PAX6: variants seen among roughly 807,000 people sequenced by gnomAD.
The protein encoded by PAX6 is paired box 6.
In PAX6, 7 loss-of-function variants were observed where a neutral mutation model predicts 60.7. That is an observed-to-expected ratio of 0.12 (90% CI 0.07 to 0.22). The LOEUF (loss-of-function observed/expected upper bound fraction) is 0.22. PAX6 is among the 10% of genes least tolerant of loss of function. The pLI is 1.00. For missense variants in PAX6, 355 were observed against 555.2 expected (o/e 0.64, Z 3.62); for synonymous variants, 208 against 201.2 (o/e 1.03, Z -0.29).
intron 2 of PAX6, chr11:31,810,557 C>T (rs1956850314): frequency 1.1e-5 from 3 of 270,010 alleles, no homozygotes; most frequent in Non-Finnish European, 2.1e-5. Context: ...GAGCTCAGCC[C>T]GCGCTGGCGC....
intron 4 of PAX6, chr11:31,804,404 CG>C (rs1955089153): frequency 2.6e-5 from 4 of 152,322 alleles, no homozygotes; most frequent in African/African-American, 7.2e-5. Flanking sequence ...CGAGGGGAGC[CG>C]CGTTTTCAGG....
intron 2 of PAX6, chr11:31,809,839 T>G (rs1280207681): frequency 1.3e-5 from 2 of 152,168 alleles, no homozygotes; most frequent in East Asian, 3.9e-4. Context: ...ACTCTGCACC[T>G]CAAAACTTGC....
At chr11:31,810,671 G>A in intron 2 of PAX6, 157 bp downstream of exon 2, 1 of 396,210 alleles carries the variant, frequency 2.5e-6, no homozygotes, top group Admixed American at 4.4e-5. Context: ...GAAGTAGAAA[G>A]TTTGGGCTCC....
chr11:31,806,534 G>T lies in PAX6; in HGVS notation c.-51-72C>A, dbSNP rs111677764. 4.2e-6 allele frequency: 5 copies of T among 1,177,420 alleles called. No homozygotes were observed. The South Asian group carries it at 6.5e-5, about 15-fold the overall frequency. 72.9% of individuals were successfully genotyped at this position (1,177,420 alleles called of 1,614,324 possible). ...TAGGCCTGAACTCCCAACCGAGGTGGACCTGGGGCTAGGACAGGAGAATCT... is the reference window on the plus strand; with the variant it reads ...TAGGCCTGAACTCCCAACCGAGGTGTACCTGGGGCTAGGACAGGAGAATCT... On this transcript the variant is annotated intron_variant, in intron 3 of 13. Transcript: ENST00000640368.
intron 13 of PAX6, chr11:31,790,432 C>T (rs890570175): frequency 3.0e-6 from 4 of 1,320,328 alleles, no homozygotes; most frequent in African/African-American, 3.0e-5. Context: ...TACTGAGCTT[C>T]GTCTAATAAT....
In PAX6 at chr11:31,790,776, T is replaced by A; in HGVS notation, c.1159A>T (p.Thr387Ser). 6.2e-7 allele frequency: 1 copy of A among 1,612,634 alleles called. No homozygotes were observed. Among genetic ancestry groups the A allele is most frequent in the Non-Finnish European group, 8.5e-7 (1 of 1,179,764 alleles). Residue 387 changes from threonine (T) to serine (S), a missense_variant, in exon 13 of 14, where the codon ACC becomes TCC. By Grantham distance (58) the Thr-to-Ser change is moderately conservative. Transcript: ENST00000640368. ...ATGTGTGTCTGCATATGTGGGGGGG[T>A]GTAGGTATCATAACTCCGCCCATTC... is the stretch of plus-strand genomic sequence containing the variant. ...SVNGRSYDTYTPPHMQTHMNS... is the reference protein window; with the variant it reads ...SVNGRSYDTYSPPHMQTHMNS...
At chr11:31,801,427 G>T (rs765446472) in intron 7 of PAX6, 134 bp downstream of exon 7, 238 of 1,553,112 alleles carry the variant, frequency 1.5e-4, no homozygotes, top group Non-Finnish European at 1.8e-4. Flanking sequence ...TGTTCCCCCA[G>T]GTACAAAGGA....
intron 12 of PAX6, 162 bp from the exon 13 acceptor site, chr11:31,791,022 G>A (rs919192016): frequency 9.7e-6 from 8 of 824,126 alleles, no homozygotes; most frequent in East Asian, 2.7e-5. Flanking sequence ...ATTGGGCCTC[G>A]AGCTAGTCCT....
intron 13 of PAX6, 130 bp downstream of exon 13, chr11:31,790,580 C>A: frequency 1.3e-6 from 2 of 1,537,812 alleles, no homozygotes; most frequent in Non-Finnish European, 1.8e-6. Context: ...CCTTTTCAAT[C>A]CCCATCCCCC....
Position 31,799,722 on chromosome 11 carries a change from G to A in PAX6, c.565+969C>T, listed in dbSNP as rs893958462. 2.6e-5 allele frequency among the ~76,000 whole-genome samples: 4 copies of A among 152,142 alleles called. 1 individual carries two copies. The South Asian group carries it at 8.3e-4, about 32-fold the overall frequency. ...GGAGCCGGTCCGAGAGCTCACGGAT[G>A]CGCCGGCAGCCTCCTCGCAGTCCCG... On this transcript the variant is annotated intron_variant, in intron 8 of 13. Coordinates refer to ENST00000640368, the MANE Select transcript of PAX6 (RefSeq NM_001368894.2).
chr11:31,794,092 T>A lies in PAX6; in HGVS notation c.747A>T (p.Pro249=), dbSNP rs773995611. The change falls in exon 10 of 14, where the codon CCA becomes CCT. Residue 249 remains proline (P), a synonymous_variant. Transcript: ENST00000640368. Reference sequence around the variant, plus strand: ...CTAGTCTTTCTCGGGCAAACACATCTGGATAATGGGTTCTCTCAAACTCTG... The same window carrying A: ...CTAGTCTTTCTCGGGCAAACACATCAGGATAATGGGTTCTCTCAAACTCTG... ...LEKEFERTHY[P]DVFARERLAA... 8 of 1,609,996 alleles carry A rather than the reference T, an allele frequency of 5.0e-6. No individual in the cohort carries two copies. Among genetic ancestry groups the A allele is most frequent in the Non-Finnish European group, 6.8e-6 (8 of 1,176,254 alleles).
chr11:31,814,445 G>C (rs914077806), upstream of PAX6: 3 of 152,306 alleles, frequency 2.0e-5, no homozygotes, highest in African/African-American at 7.2e-5. Context: ...TCAGAACCAA[G>C]AGCCTCCCAT....
At position 31,801,901 on chromosome 11, in the gene PAX6, A is replaced by C; in HGVS notation, c.153T>G (p.Asp51Glu). 3 of 1,614,026 alleles carry C rather than the reference A, an allele frequency of 1.9e-6. No homozygotes were observed. Among genetic ancestry groups the C allele is most frequent in the Non-Finnish European group, 2.5e-6 (3 of 1,179,854 alleles). ...GATTGTCCAGCACTTGGACTTTTGC[A>C]TCTGCATGGGTCTATAACACAAAAA... is the stretch of plus-strand genomic sequence containing the variant. ...DISRILQTHA[D>E]AKVQVLDNQN... The change falls in exon 6 of 14, where the codon GAT (aspartate) becomes GAG (glutamate). Residue 51 changes from aspartate to glutamate, a missense_variant. Asp to Glu is a conservative substitution (Grantham distance 45). Around this residue, in one of 5 missense-constraint regions of PAX6, gnomAD observed 41 missense variants for 77.1 expected, o/e 0.53. Transcript: ENST00000640368.
At chr11:31,814,990 G>GTCTGTCTCTC (rs1957306174), upstream of PAX6, 4 of 130,440 alleles carry the variant, frequency 3.1e-5, no homozygotes, top group Non-Finnish European at 4.7e-5. Context: ...AGGCCAGCCT[G>GTCTGTCTCTC]TCTCTCTCTC....
intron 2 of PAX6, chr11:31,808,949 C>T (rs1489599044): frequency 6.6e-6 from 1 of 152,272 alleles, no homozygotes; most frequent in African/African-American, 2.4e-5. Flanking sequence ...ACATCCTGAA[C>T]GAAGGAGTCT....
intron 8 of PAX6, 23 bp from the exon 9 acceptor site, chr11:31,794,811 G>T (rs371156492): frequency 4.8e-5 from 77 of 1,613,640 alleles, no homozygotes; most frequent in Non-Finnish European, 6.4e-5. Flanking sequence ...GAATAGGATG[G>T]TAAGAGAAAT....
At chr11:31,801,117 C>T (rs772620509) in intron 7 of PAX6, 11 of 839,610 alleles carry the variant, frequency 1.3e-5, no homozygotes, top group Middle Eastern at 3.7e-4. Context: ...CTAACTCACA[C>T]GGTTGCTTTG....
chr11:31,793,653 C>T lies in PAX6; in HGVS notation c.957G>A (p.Pro319=), dbSNP rs146433004. 59 of 1,614,148 alleles carry T rather than the reference C, an allele frequency of 3.7e-5. No homozygotes were observed. In the African/African-American group the frequency reaches 4.1e-4, roughly 11 times the overall value. Residue 319 remains proline, a splice_region_variant and synonymous_variant, in exon 11 of 14, where the codon CCG becomes CCA. Transcript: ENST00000640368. ...CGTAGTATTAGTATTTCAAATTACC[C>T]GGTGTGGTGGGTTGTGGAATTGGTT... is the stretch of plus-strand genomic sequence containing the variant. ...VYQPIPQPTT[P]VSSFTSGSML...
At chr11:31,811,512 G>T (rs1016175804), upstream of PAX6, 5 of 290,014 alleles carry the variant, frequency 1.7e-5, no homozygotes, top group Non-Finnish European at 3.2e-5. Flanking sequence ...CCCCGAGCCC[G>T]GGCTCTGGCG....
Sources: gnomAD v4.1 joint callset for allele counts (sites outside exome capture counted in the v4.1 genomes callset) on GRCh38, gnomAD v4.1.1 for gene constraint, gnomAD v4.1.1 regional missense constraint, MANE v1.5 for transcripts, NCBI Gene and HGNC (gene_info 2026-07-23, HGNC 2026-07-21) for gene names.